Variants in ABHD14B observed in about 807,000 individuals in gnomAD.
ABHD14B encodes the protein putative protein-lysine deacylase ABHD14B.
ABHD14B carries 19 observed loss-of-function variants against 15.4 expected under a neutral mutation model. The ratio of observed to expected loss-of-function variants is 1.23; its 90% CI spans 0.86 to 1.81. The LOEUF is 1.81. ABHD14B is among the 40% of genes most tolerant of loss of function. ABHD14B has a pLI of 0.00. For synonymous variants in ABHD14B, 92 were observed against 117.3 expected (o/e 0.78, Z 1.39); for missense variants, 243 against 267.0 (o/e 0.91, Z 0.63).
chr3:51,969,368 C>T lies in ABHD14B; in HGVS notation c.*58G>A, dbSNP rs945487488. The T allele has an allele frequency of 3.3e-5, 50 of 1,521,790 alleles. 1 individual carries two copies. The East Asian group carries it at 4.1e-4, about 12-fold the overall frequency. The allele number at this position is 1,521,790 out of a possible 1,614,324, so 94.3% of individuals were successfully genotyped here. On this transcript the variant is annotated 3_prime_UTR_variant, in exon 4 of 4. Coordinates refer to ENST00000361143, the MANE Select transcript of ABHD14B (RefSeq NM_001146314.2). ...CCAGAGCCTGGGAGAGAAGAGAGAG[C>T]GTGCAAGAGAGAGCTCAGAGCAGGC...
intron 2 of ABHD14B, among the ~76,000 whole-genome samples, chr3:51,971,028 A>G (rs1700643111): frequency 6.6e-6 from 1 of 152,214 alleles, no homozygotes; most frequent in South Asian, 2.1e-4. Flanking sequence ...AGGGCTTCCA[A>G]AAGCCTATGG....
At chr3:51,971,747 G>T in intron 1 of ABHD14B, 49 bp from the exon 2 acceptor site, 1 of 1,550,006 alleles carries the variant, frequency 6.5e-7, no homozygotes, top group Non-Finnish European at 8.7e-7. Context: ...ACCCTGCCCA[G>T]GGTGGCAGTC....
intron 2 of ABHD14B, chr3:51,970,511 T>C: frequency 1.7e-6 from 1 of 573,638 alleles, no homozygotes; most frequent in Non-Finnish European, 3.3e-6. Flanking sequence ...CCCTCAGTCC[T>C]CTCTCAGCTG....
At position 51,969,828 on chromosome 3, in the gene ABHD14B, G is replaced by T. The variant is rs374413054; in HGVS notation, c.453+115C>A. On this transcript the variant is annotated intron_variant, in intron 3 of 3. Coordinates refer to ENST00000361143, the MANE Select transcript of ABHD14B (RefSeq NM_001146314.2). ...TAAACCAAAAGGGTGGAGTTGGGTGGTCAGCTCCTCCCAGAAGACACCCCT... is the reference window on the plus strand; with the variant it reads ...TAAACCAAAAGGGTGGAGTTGGGTGTTCAGCTCCTCCCAGAAGACACCCCT... The T allele has an allele frequency of 5.7e-6, 9 of 1,578,000 alleles. No individual in the cohort carries two copies. The East Asian group carries it at 1.3e-4, about 24-fold the overall frequency.
intron 1 of ABHD14B, among the ~76,000 whole-genome samples, chr3:51,972,606 G>A (rs908798595): frequency 1.4e-4 from 21 of 151,980 alleles, no homozygotes; most frequent in African/African-American, 4.8e-4. Flanking sequence ...TTATCAGTGG[G>A]GGTGCCTGCT....
At chr3:51,972,671 C>T (rs1700679368) in intron 1 of ABHD14B, among the ~76,000 whole-genome samples, 1 of 152,144 alleles carries the variant, frequency 6.6e-6, no homozygotes, top group Non-Finnish European at 1.5e-5. Context: ...TTATTCTCAT[C>T]GTTATTATCC....
intron 1 of ABHD14B, 173 bp downstream of exon 1, chr3:51,973,791 AG>A: frequency 1.6e-6 from 2 of 1,269,380 alleles, no homozygotes; most frequent in South Asian, 2.5e-5. Context: ...CCTCGCGGTC[AG>A]GTTGCTTCCG....
intron 2 of ABHD14B, chr3:51,971,193 A>C: frequency 6.4e-6 from 3 of 469,676 alleles, no homozygotes; most frequent in Non-Finnish European, 7.7e-6. Flanking sequence ...CAGATGAGGA[A>C]ACAGAGGCTC....
chr3:51,971,040 T>C (rs957828926), intron 2 of ABHD14B, among the ~76,000 whole-genome samples: 1 of 152,246 alleles, frequency 6.6e-6, no homozygotes, highest in African/African-American at 2.4e-5. Context: ...AGCCTATGGT[T>C]ATTATTCAGT....
At chr3:51,970,268 C>T (rs773044694) in intron 2 of ABHD14B, 84 bp from the exon 3 acceptor site, 10 of 1,505,808 alleles carry the variant, frequency 6.6e-6, no homozygotes, top group Non-Finnish European at 8.8e-6. Context: ...CCAGGAAGCC[C>T]TCCTAGGTCA....
rs1170199549 is a variant in ABHD14B at position 51,971,443 on chromosome 3, G to C, written c.211+17C>G. 1.3e-6 allele frequency: 2 copies of C among 1,549,586 alleles called. No individual in the cohort carries two copies. Among genetic ancestry groups the C allele is most frequent in the African/African-American group, 2.7e-5 (2 of 72,894 alleles). Reference sequence around the variant, plus strand: ...AGACCTCCCCAAACCCTGCCCAGAAGCCTGCCCCTTAAGTACCTGGCAGGT... The same window carrying C: ...AGACCTCCCCAAACCCTGCCCAGAACCCTGCCCCTTAAGTACCTGGCAGGT... On this transcript the variant is annotated intron_variant, in intron 2 of 3. Coordinates refer to ENST00000361143, the MANE Select transcript of ABHD14B (RefSeq NM_001146314.2).
At position 51,969,942 on chromosome 3, in the gene ABHD14B, C is replaced by T. The variant is rs1700622068; in HGVS notation, c.453+1G>A. The T allele has an allele frequency of 6.2e-7, 1 of 1,614,210 alleles. No individual in the cohort carries two copies. On this transcript the variant is annotated splice_donor_variant, in intron 3 of 3. Transcript: ENST00000361143. LOFTEE classifies it high-confidence loss of function. ...CACCTCAGCTTCCCACACAAGGGTA[C>T]CTTCACACTGGCATAGTTGGCAGCA...
At position 51,971,450 on chromosome 3, in the gene ABHD14B, C is replaced by T. The variant is rs768486834; in HGVS notation, c.211+10G>A. Reference sequence around the variant, plus strand: ...CCCAAACCCTGCCCAGAAGCCTGCCCCTTAAGTACCTGGCAGGTCAATGGC... The same window carrying T: ...CCCAAACCCTGCCCAGAAGCCTGCCTCTTAAGTACCTGGCAGGTCAATGGC... On this transcript the variant is annotated intron_variant, in intron 2 of 3. Transcript: ENST00000361143. 4 of 1,559,518 alleles carry T rather than the reference C, an allele frequency of 2.6e-6. No homozygotes were observed. The highest frequency in any genetic ancestry group is 1.8e-4 in the Middle Eastern group (1 of 5,686).
intron 1 of ABHD14B, 130 bp downstream of exon 1, chr3:51,973,835 G>A (rs978939705): frequency 2.8e-5 from 36 of 1,289,516 alleles, no homozygotes; most frequent in Non-Finnish European, 3.4e-5. Context: ...AGCTCTGGAA[G>A]GGAGCACCGG....
At chr3:51,969,789 A>G (rs1215671093) in intron 3 of ABHD14B, 154 bp downstream of exon 3, 1 of 1,464,572 alleles carries the variant, frequency 6.8e-7, no homozygotes, top group South Asian at 1.2e-5. Context: ...GGCTTGGCAC[A>G]GTAGTCTGCT....
intron 1 of ABHD14B, 152 bp from the exon 2 acceptor site, chr3:51,971,850 G>T: frequency 2.2e-6 from 3 of 1,377,696 alleles, no homozygotes; most frequent in Non-Finnish European, 2.8e-6. Context: ...TTCTGCCTCT[G>T]CCATTTACTT....
At position 51,970,025 on chromosome 3, in the gene ABHD14B, G is replaced by C. The variant is rs1700624575; in HGVS notation, c.371C>G (p.Pro124Arg). 6.2e-7 allele frequency: 1 copy of C among 1,614,176 alleles called. No individual in the cohort carries two copies. Among genetic ancestry groups the C allele is most frequent in the African/African-American group, 1.3e-5 (1 of 75,070 alleles). Residue 124 changes from proline to arginine, a missense_variant, in exon 3 of 4, where the codon CCT becomes CGT. By Grantham distance (103) the Pro-to-Arg change is moderately radical. Transcript: ENST00000361143. ...CACAAAGCCCGGGAGCTGGGAGCCAGGGGCCGTGAGGAAGGGCAGGGAGTA... is the reference window on the plus strand; with the variant it reads ...CACAAAGCCCGGGAGCTGGGAGCCACGGGCCGTGAGGAAGGGCAGGGAGTA... ...GMYSLPFLTA[P>R]GSQLPGFVPV...
Position 51,971,438 on chromosome 3 carries a change from CAGAA to C in ABHD14B, c.211+18_211+21del. 6.5e-7 allele frequency: 1 copy of C among 1,541,310 alleles called. No individual in the cohort carries two copies. The highest frequency in any genetic ancestry group is 8.8e-7 in the Non-Finnish European group (1 of 1,141,704). On this transcript the variant is annotated intron_variant, in intron 2 of 3. Coordinates refer to ENST00000361143, the MANE Select transcript of ABHD14B (RefSeq NM_001146314.2). ...TAATGAGACCTCCCCAAACCCTGCC[CAGAA>C]GCCTGCCCCTTAAGTACCTGGCAGG...
chr3:51,969,798 C>T (rs776091750), intron 3 of ABHD14B, 145 bp downstream of exon 3: 14 of 1,498,810 alleles, frequency 9.3e-6, no homozygotes, highest in East Asian at 2.3e-5. Flanking sequence ...CAGTAGTCTG[C>T]TGAGTAAACC....
Sources: gnomAD v4.1 joint callset for allele counts (sites outside exome capture counted in the v4.1 genomes callset) on GRCh38, gnomAD v4.1.1 for gene constraint, MANE v1.5 for transcripts, NCBI Gene and HGNC (gene_info 2026-07-23, HGNC 2026-07-21) for gene names.